Variants in CDH9 observed in about 807,000 individuals in gnomAD.
The protein encoded by CDH9 is cadherin 9.
A neutral mutation model predicts 70.9 loss-of-function variants in CDH9; 28 were observed. The ratio of observed to expected loss-of-function variants is 0.40; its 90% CI spans 0.29 to 0.54. The LOEUF (loss-of-function observed/expected upper bound fraction) is 0.54. Ranked by LOEUF, CDH9 falls within the 20% of genes least tolerant of loss-of-function variation. The pLI, the probability that CDH9 is intolerant of heterozygous loss-of-function variation, is 0.59. For synonymous variants in CDH9, 409 were observed against 343.1 expected (o/e 1.19, Z -2.12); for missense variants, 874 against 984.4 (o/e 0.89, Z 1.50).
At chr5:27,013,663 G>A (rs947680957) in intron 1 of CDH9, among the ~76,000 whole-genome samples, 27 of 151,798 alleles carry the variant, frequency 1.8e-4, no homozygotes, top group African/African-American at 6.5e-4. Flanking sequence ...CACCTCTACA[G>A]CCCTACCAAC....
chr5:26,881,676 G>A, intron 11 of CDH9, 53 bp from the exon 12 acceptor site: 2 of 1,503,516 alleles, frequency 1.3e-6, no homozygotes, highest in East Asian at 2.3e-5. Flanking sequence ...GGATAAAATA[G>A]AGTACACTTC....
At position 26,988,113 on chromosome 5, in the gene CDH9, A is replaced by G. The variant is rs1365509693; in HGVS notation, c.221T>C (p.Val74Ala). 2 of 1,606,986 alleles carry G rather than the reference A, an allele frequency of 1.2e-6. No homozygotes were observed. Among genetic ancestry groups the G allele is most frequent in the African/African-American group, 1.3e-5 (1 of 74,800 alleles). ...TCATACAAAAATTCTTACCTTGCCTACATATTGTGTGTCAGTACCTGTGTA... is the reference window on the plus strand; with the variant it reads ...TCATACAAAAATTCTTACCTTGCCTGCATATTGTGTGTCAGTACCTGTGTA... ...EEYTGTDTQYVGKLHTDQDKG... is the reference protein window; with the variant it reads ...EEYTGTDTQYAGKLHTDQDKG... The change falls in exon 2 of 12, where the codon GTA becomes GCA. Residue 74 changes from valine (V) to alanine (A), a missense_variant. Val to Ala is a moderately conservative substitution (Grantham distance 64, BLOSUM62 0). Transcript: ENST00000231021.
intron 1 of CDH9, among the ~76,000 whole-genome samples, chr5:26,989,980 G>T (rs11740597): frequency 0.37 from 56,779 of 151,998 alleles, 12,657 homozygotes; most frequent in Non-Finnish European, 0.5. Context: ...AATCTGAGGT[G>T]TGATGAGTTT....
In CDH9 at chr5:26,885,829, T is replaced by C; in HGVS notation, c.1667A>G (p.Tyr556Cys). Residue 556 changes from tyrosine (Y) to cysteine (C), a missense_variant, in exon 11 of 12, where the codon TAC (tyrosine) becomes TGC (cysteine). Physicochemically the swap from Tyr to Cys is radical, Grantham distance 194 (BLOSUM62 -2). Coordinates refer to ENST00000231021, the MANE Select transcript of CDH9 (RefSeq NM_016279.4). The stretch of plus-strand genomic sequence containing the variant: ...GTAGGTGCTCATTTTGTTGCGACTG[T>C]AGCCATCTTTCCGAGTCATGATTCC... ...TAGIMTRKDGYSRNKMSTYLL... is the reference protein window; with the variant it reads ...TAGIMTRKDGCSRNKMSTYLL... 2 of 1,613,956 alleles carry C rather than the reference T, an allele frequency of 1.2e-6. No homozygotes were observed. The highest frequency in any genetic ancestry group is 1.7e-6 in the Non-Finnish European group (2 of 1,179,886).
intron 7 of CDH9, among the ~76,000 whole-genome samples, chr5:26,895,934 A>G (rs1435541186): frequency 6.6e-6 from 1 of 151,960 alleles, no homozygotes; most frequent in African/African-American, 2.4e-5. Flanking sequence ...TCTTCACACT[A>G]TAATTGGATA....
At chr5:27,030,985 T>C (rs1189512469) in intron 1 of CDH9, among the ~76,000 whole-genome samples, 1 of 151,916 alleles carries the variant, frequency 6.6e-6, no homozygotes, top group African/African-American at 2.4e-5. Context: ...ACTTATATGC[T>C]TTCTTTTCTG....
intron 2 of CDH9, among the ~76,000 whole-genome samples, chr5:26,971,586 G>A (rs2112073620): frequency 6.6e-6 from 1 of 152,272 alleles, no homozygotes; most frequent in South Asian, 2.1e-4. Flanking sequence ...TGTAGGATTT[G>A]CTTTAGGATA....
intron 3 of CDH9, among the ~76,000 whole-genome samples, chr5:26,912,955 C>A (rs961712049): frequency 6.6e-6 from 1 of 152,120 alleles, no homozygotes; most frequent in Non-Finnish European, 1.5e-5. Context: ...TTTCCCTGCA[C>A]AAGCTCTCTT....
intron 1 of CDH9, among the ~76,000 whole-genome samples, chr5:27,028,528 G>T (rs914576760): frequency 3.3e-5 from 5 of 151,960 alleles, no homozygotes; most frequent in African/African-American, 7.2e-5. Context: ...TTGAATAACA[G>T]AAAATCATAT....
intron 1 of CDH9, among the ~76,000 whole-genome samples, chr5:27,031,101 G>C (rs1009870580): frequency 4.0e-5 from 6 of 151,318 alleles, no homozygotes; most frequent in African/African-American, 1.5e-4. Context: ...ATACAAGGCT[G>C]CTTAACATAA....
At position 26,889,964 on chromosome 5, in the gene CDH9, C is replaced by T. The variant is rs767861614; in HGVS notation, c.1391-7G>A. 2.0e-5 allele frequency: 32 copies of T among 1,608,800 alleles called. No homozygotes were observed. Among genetic ancestry groups the T allele is most frequent in the South Asian group, 8.9e-5 (8 of 90,090 alleles). ...CTACTTTGTTTTGGGTTATCTGCAA[C>T]GAGAACACGTGTAAGATTTCAGTCT... is the stretch of plus-strand genomic sequence containing the variant. On this transcript the variant is annotated splice_region_variant and splice_polypyrimidine_tract_variant and intron_variant, in intron 8 of 11. Coordinates refer to ENST00000231021, the MANE Select transcript of CDH9 (RefSeq NM_016279.4).
intron 2 of CDH9, among the ~76,000 whole-genome samples, chr5:26,942,007 C>T (rs900334144): frequency 6.6e-6 from 1 of 152,084 alleles, no homozygotes; most frequent in Non-Finnish European, 1.5e-5. Flanking sequence ...ACCAGTTCCC[C>T]TCCTGTGATA....
intron 1 of CDH9, among the ~76,000 whole-genome samples, chr5:27,006,988 T>C (rs544530282): frequency 6.6e-6 from 1 of 152,246 alleles, no homozygotes; most frequent in Non-Finnish European, 1.5e-5. Context: ...AGTCATTTAT[T>C]GAATAATATT....
intron 2 of CDH9, among the ~76,000 whole-genome samples, chr5:26,959,383 G>A (rs1207526580): frequency 1.3e-5 from 2 of 152,030 alleles, no homozygotes; most frequent in Non-Finnish European, 2.9e-5. Context: ...TAGAGAAATT[G>A]GAATACTCAT....
intron 2 of CDH9, among the ~76,000 whole-genome samples, chr5:26,962,246 T>C (rs1003288782): frequency 2.6e-5 from 4 of 152,148 alleles, no homozygotes; most frequent in African/African-American, 4.8e-5. Context: ...TTCTGTTGGT[T>C]CCGTCTTTGC....
chr5:26,977,399 T>C (rs771060469), intron 2 of CDH9, among the ~76,000 whole-genome samples: 1 of 151,474 alleles, frequency 6.6e-6, no homozygotes, highest in East Asian at 1.9e-4. Context: ...TCAAATATAA[T>C]TGACCGTTTT....
At chr5:26,995,905 A>T (rs1330917117) in intron 1 of CDH9, among the ~76,000 whole-genome samples, 1 of 152,088 alleles carries the variant, frequency 6.6e-6, no homozygotes, top group African/African-American at 2.4e-5. Context: ...AATCTTGTTA[A>T]CTTTAAAAAC....
At chr5:26,896,412 CTCTAA>C (rs1431746637) in intron 7 of CDH9, among the ~76,000 whole-genome samples, 1 of 151,272 alleles carries the variant, frequency 6.6e-6, no homozygotes. Flanking sequence ...TTGTATATAT[CTCTAA>C]TCTAAATATT....
intron 2 of CDH9, among the ~76,000 whole-genome samples, chr5:26,978,557 G>A (rs773991453): frequency 1.3e-5 from 2 of 149,966 alleles, no homozygotes; most frequent in Non-Finnish European, 3.0e-5. Flanking sequence ...TTTCTAAAAG[G>A]AAGAGATAGT....
Sources: gnomAD v4.1 joint callset for allele counts (sites outside exome capture counted in the v4.1 genomes callset) on GRCh38, gnomAD v4.1.1 for gene constraint, MANE v1.5 for transcripts, NCBI Gene and HGNC (gene_info 2026-07-23, HGNC 2026-07-21) for gene names.